CNNM1: variants seen among roughly 807,000 people sequenced by gnomAD.
CNNM1 encodes the protein cyclin and CBS domain divalent metal cation transport mediator 1, also known as metal transporter CNNM1.
A neutral mutation model predicts 78.8 loss-of-function variants in CNNM1; 44 were observed. That is an observed-to-expected ratio of 0.56 (90% CI 0.44 to 0.72). CNNM1 has a LOEUF of 0.72. Ranked by LOEUF, CNNM1 falls within the 30% of genes least tolerant of loss-of-function variation. The pLI is 0.00. For synonymous variants in CNNM1, 584 were observed against 581.5 expected (o/e 1.00, Z -0.06); for missense variants, 1,101 against 1,292.2 (o/e 0.85, Z 2.27).
At chr10:99,352,686 C>T (rs1052483862) in intron 1 of CNNM1, among the ~76,000 whole-genome samples, 1 of 152,006 alleles carries the variant, frequency 6.6e-6, no homozygotes, top group African/African-American at 2.4e-5. Context: ...CTGTTCAAAT[C>T]TTTTGCTCAC....
chr10:99,377,345 G>A (rs576764719), intron 7 of CNNM1, 127 bp downstream of exon 7: 1 of 897,928 alleles, frequency 1.1e-6, no homozygotes, highest in African/African-American at 1.7e-5. Context: ...CCAATACAGT[G>A]CTGGGTGGTA....
chr10:99,351,413 G>A (rs968620525), intron 1 of CNNM1, among the ~76,000 whole-genome samples: 11 of 152,196 alleles, frequency 7.2e-5, no homozygotes, highest in African/African-American at 2.4e-4. Flanking sequence ...AGTAAAGGTA[G>A]AAATGGTAAA....
At chr10:99,341,341 C>T (rs1013622608) in intron 1 of CNNM1, among the ~76,000 whole-genome samples, 1 of 152,100 alleles carries the variant, frequency 6.6e-6, no homozygotes, top group Non-Finnish European at 1.5e-5. Context: ...TGACTCTCAA[C>T]ATCGTCTGGG....
At position 99,329,841 on chromosome 10, in the gene CNNM1, G is replaced by A; in HGVS notation, c.454G>A (p.Gly152Arg). 2.1e-6 allele frequency: 3 copies of A among 1,419,174 alleles called. No homozygotes were observed. Among genetic ancestry groups the A allele is most frequent in the Non-Finnish European group, 2.7e-6 (3 of 1,092,064 alleles). 87.9% of individuals were successfully genotyped at this position (1,419,174 alleles called of 1,614,324 possible). A position where few individuals can be genotyped will look rare whatever the true frequency, so the allele number is the denominator to read the frequency against. The change falls in exon 1 of 11, where the codon GGG becomes AGG. Residue 152 changes from glycine to arginine, a missense_variant. Physicochemically the swap from Gly to Arg is moderately radical, Grantham distance 125. Around this residue, in one of 3 missense-constraint regions of CNNM1, gnomAD observed 476 missense variants for 484.5 expected, o/e 0.98. Transcript: ENST00000356713. ...DVEVLGPLRP[G>R]GVAGSALVQV... is the part of the protein sequence containing the mutation. ...GGAAGTCCTGGGGCCCTTGCGTCCC[G>A]GGGGCGTGGCAGGCTCGGCCCTGGT...
At chr10:99,338,999 A>G (rs764018032) in intron 1 of CNNM1, among the ~76,000 whole-genome samples, 2 of 152,240 alleles carry the variant, frequency 1.3e-5, no homozygotes, top group Non-Finnish European at 2.9e-5. Context: ...TTTAGGAGAC[A>G]CTGAGTTCTG....
chr10:99,357,721 C>A, intron 2 of CNNM1, 66 bp downstream of exon 2: 2 of 1,437,614 alleles, frequency 1.4e-6, no homozygotes, highest in East Asian at 2.5e-5. Context: ...TCAGGTAAAG[C>A]CTCATTTGAT....
At chr10:99,346,458 T>G (rs1045051965) in intron 1 of CNNM1, among the ~76,000 whole-genome samples, 2 of 152,170 alleles carry the variant, frequency 1.3e-5, no homozygotes, top group African/African-American at 4.8e-5. Flanking sequence ...GCTCAAATAT[T>G]TGTCCCATGA....
intron 6 of CNNM1, among the ~76,000 whole-genome samples, chr10:99,373,331 A>G (rs1170053824): frequency 6.6e-6 from 1 of 152,168 alleles, no homozygotes; most frequent in African/African-American, 2.4e-5. Context: ...AGCCCTGCTC[A>G]CACTCTCTTC....
At chr10:99,387,765 G>A (rs970498982) in intron 7 of CNNM1, 55 bp from the exon 8 acceptor site, 39 of 1,487,474 alleles carry the variant, frequency 2.6e-5, no homozygotes, top group Non-Finnish European at 3.2e-5. Flanking sequence ...AAGGCTGGCT[G>A]CATCCGGGTG....
chr10:99,335,358 GA>G (rs2134013630), intron 1 of CNNM1, among the ~76,000 whole-genome samples: 1 of 152,300 alleles, frequency 6.6e-6, no homozygotes, highest in Non-Finnish European at 1.5e-5. Context: ...TTACAAAAGG[GA>G]ACAATATTTC....
At chr10:99,356,593 AAAGAAAG>A (rs1338724967) in intron 1 of CNNM1, among the ~76,000 whole-genome samples, 20 of 134,314 alleles carry the variant, frequency 1.5e-4, no homozygotes, top group African/African-American at 5.7e-4. Flanking sequence ...AGAAAGAAAG[AAAGAAAG>A]AAAGAAAAGA....
intron 1 of CNNM1, among the ~76,000 whole-genome samples, chr10:99,339,535 G>A (rs1056934366): frequency 6.6e-5 from 10 of 152,166 alleles, no homozygotes; most frequent in African/African-American, 1.2e-4. Context: ...CATTAGGAGC[G>A]AGAACCCTAT....
At position 99,335,905 on chromosome 10, in the gene CNNM1, C is replaced by A. The variant is rs61437689; in HGVS notation, c.1573+4945C>A. Among the ~76,000 whole-genome samples, 1,443 of 152,332 alleles carry A rather than the reference C, an allele frequency of 9.5e-3. 18 individuals are homozygous for A. Among genetic ancestry groups the A allele is most frequent in the African/African-American group, 0.033 (1,381 of 41,566 alleles). ...CCACAGACAGCAAGAGGCTCTGGTC[C>A]TCTCTTCTTAGAAAGACATCAATCC... On this transcript the variant is annotated intron_variant, in intron 1 of 10. Transcript: ENST00000356713.
intron 6 of CNNM1, chr10:99,368,550 G>A (rs1318440364): frequency 7.6e-6 from 8 of 1,050,252 alleles, no homozygotes; most frequent in African/African-American, 6.5e-5. Flanking sequence ...TTTGTTCTTT[G>A]TCTCTTTCCT....
chr10:99,330,326 G>C lies in CNNM1; in HGVS notation c.939G>C (p.Gly313=). The change falls in exon 1 of 11, where the codon GGG becomes GGC. Residue 313 remains glycine (G), a synonymous_variant. Coordinates refer to ENST00000356713, the MANE Select transcript of CNNM1 (RefSeq NM_020348.3). ...TGCCGCCGGGCTTCGGGGGCACCGG[G>C]GAAGACTACAGCGAAGAGGGGATCC... is the stretch of plus-strand genomic sequence containing the variant. ...TSLPPGFGGT[G]EDYSEEGIHF... The C allele has an allele frequency of 6.3e-7, 1 of 1,598,872 alleles. No homozygotes were observed. The highest frequency in any genetic ancestry group is 2.3e-5 in the East Asian group (1 of 44,266).
rs1261382276 is a variant in CNNM1 at position 99,339,800 on chromosome 10, C to A, written c.1573+8840C>A. Among the ~76,000 whole-genome samples, 8 of 152,278 alleles carry A rather than the reference C, an allele frequency of 5.3e-5. No individual in the cohort carries two copies. In the South Asian group the frequency reaches 8.3e-4, roughly 16 times the overall value. On this transcript the variant is annotated intron_variant, in intron 1 of 10. Transcript: ENST00000356713. Reference sequence around the variant, plus strand: ...CCTTTTCACTGCAGAATAATCTAGTCCAAAATGCCAGTGGTTTACTTTACA... The same window carrying A: ...CCTTTTCACTGCAGAATAATCTAGTACAAAATGCCAGTGGTTTACTTTACA...
At chr10:99,383,797 T>C (rs2032227729) in intron 7 of CNNM1, among the ~76,000 whole-genome samples, 2 of 152,190 alleles carry the variant, frequency 1.3e-5, no homozygotes, top group South Asian at 4.1e-4. Context: ...TCATCGAAAC[T>C]GGGCACAGCT....
In CNNM1 at chr10:99,362,214, C is replaced by T. The variant is rs766582539; in HGVS notation, c.1859-13C>T. On this transcript the variant is annotated splice_polypyrimidine_tract_variant and intron_variant, in intron 3 of 10. Coordinates refer to ENST00000356713, the MANE Select transcript of CNNM1 (RefSeq NM_020348.3). ...TGATGCTGATTCCTCCCTTCCCACT[C>T]ACTCTCCTCTAGAAGTGGAGCCCTT... is the stretch of plus-strand genomic sequence containing the variant. 19 of 1,596,072 alleles carry T rather than the reference C, an allele frequency of 1.2e-5. No individual in the cohort carries two copies. The highest frequency in any genetic ancestry group is 3.6e-4 in the Middle Eastern group (2 of 5,592).
At chr10:99,345,470 G>A (rs111950823) in intron 1 of CNNM1, among the ~76,000 whole-genome samples, 102 of 152,276 alleles carry the variant, frequency 6.7e-4, no homozygotes, top group Middle Eastern at 3.4e-3. Context: ...ACACTCCCTG[G>A]CTGGCCCAGA....
Sources: allele counts gnomAD v4.1 joint callset (sites outside exome capture counted in the v4.1 genomes callset), GRCh38; gene constraint gnomAD v4.1.1; regional missense constraint gnomAD v4.1.1; transcripts MANE v1.5; gene names NCBI Gene and HGNC (gene_info 2026-07-23, HGNC 2026-07-21).